The following PPFIBP1 variants were observed in gnomAD, a reference collection of about 807,000 sequenced individuals.
PPFIBP1 encodes liprin-beta-1.
PPFIBP1 carries 112 observed loss-of-function variants against 137.8 expected under a neutral mutation model. The ratio of observed to expected loss-of-function variants is 0.81; its 90% confidence interval spans 0.70 to 0.95. PPFIBP1 has a LOEUF of 0.95. PPFIBP1 is among the 40% of genes least tolerant of loss of function. The pLI is 0.00. For synonymous variants in PPFIBP1, 378 were observed against 417.3 expected (o/e 0.91, Z 1.15); for missense variants, 1,083 against 1,196.6 (o/e 0.91, Z 1.40).
intron 22 of PPFIBP1, among the ~76,000 whole-genome samples, 192 bp from the exon 23 acceptor site, chr12:27,682,195 A>C (rs1268476570): frequency 6.6e-6 from 1 of 152,162 alleles, no homozygotes; most frequent in Non-Finnish European, 1.5e-5. Context: ...ACACACCCCT[A>C]AGATAATTGT....
intron 1 of PPFIBP1, chr12:27,552,411 T>C (rs1473715620): frequency 6.6e-6 from 1 of 152,282 alleles, no homozygotes; most frequent in South Asian, 2.1e-4. Flanking sequence ...TGTCTTGAAC[T>C]GCAGTCAGGA....
Position 27,689,214 on chromosome 12 carries a change from G to C in PPFIBP1, c.2685+11G>C. ...ACTGCCAAAGTGAAGGTTGGTTCAG[G>C]CTCATACGGTTTAATAATTGCTTGG... On this transcript the variant is annotated intron_variant, in intron 27 of 29. Transcript: ENST00000228425. 1 of 1,530,390 alleles carries C rather than the reference G, an allele frequency of 6.5e-7. No individual in the cohort carries two copies. Among genetic ancestry groups the C allele is most frequent in the Non-Finnish European group, 8.7e-7 (1 of 1,145,264 alleles). 94.8% of individuals were successfully genotyped at this position (1,530,390 alleles called of 1,614,324 possible). A position where few individuals can be genotyped will look rare whatever the true frequency, so the allele number is the denominator to read the frequency against.
chr12:27,580,442 G>A (rs568927924), intron 2 of PPFIBP1, among the ~76,000 whole-genome samples: 1 of 152,200 alleles, frequency 6.6e-6, no homozygotes, highest in South Asian at 2.1e-4. Flanking sequence ...TGTAAAATGG[G>A]GATGGTAAAA....
chr12:27,611,343 G>A (rs1232393350), intron 2 of PPFIBP1, among the ~76,000 whole-genome samples: 2 of 152,256 alleles, frequency 1.3e-5, no homozygotes, highest in East Asian at 3.9e-4. Flanking sequence ...CCCTTGGCTT[G>A]TACATGGCTG....
At chr12:27,560,413 A>G (rs1301762056) in intron 1 of PPFIBP1, among the ~76,000 whole-genome samples, 1 of 152,264 alleles carries the variant, frequency 6.6e-6, no homozygotes, top group African/African-American at 2.4e-5. Context: ...AAATTAAATT[A>G]GATGGGACTA....
intron 12 of PPFIBP1, among the ~76,000 whole-genome samples, chr12:27,664,701 G>A (rs764670936): frequency 4.9e-4 from 75 of 152,184 alleles, no homozygotes; most frequent in Non-Finnish European, 9.3e-4. Flanking sequence ...AGAGAAAAAC[G>A]ACAGTATATG....
rs780656815 is a variant in PPFIBP1, at chr12:27,692,651, C to A, written c.2926C>A (p.Leu976Met). 1 of 1,614,136 alleles carries A rather than the reference C, an allele frequency of 6.2e-7. No individual in the cohort carries two copies. The highest frequency in any genetic ancestry group is 8.5e-7 in the Non-Finnish European group (1 of 1,179,972). Reference protein sequence around the residue: ...IGAFSEGINNLTHMLKEDDMF... With the variant: ...IGAFSEGINNMTHMLKEDDMF... Reference sequence around the variant, plus strand: ...TGCATTCTCTGAAGGCATCAACAATCTGACGGTGAGTTTGTGAAATGAATT... The same window carrying A: ...TGCATTCTCTGAAGGCATCAACAATATGACGGTGAGTTTGTGAAATGAATT... Residue 976 changes from leucine to methionine, a missense_variant, in exon 29 of 30, where the codon CTG (leucine) becomes ATG (methionine). Physicochemically the swap from Leu to Met is conservative, Grantham distance 15. Transcript: ENST00000228425.
At chr12:27,585,363 G>A (rs1159603261) in intron 2 of PPFIBP1, among the ~76,000 whole-genome samples, 1 of 152,160 alleles carries the variant, frequency 6.6e-6, no homozygotes, top group Admixed American at 6.5e-5. Flanking sequence ...AAACATCTAC[G>A]CTGCGCTGTG....
chr12:27,627,160 C>T (rs978679105), intron 2 of PPFIBP1, among the ~76,000 whole-genome samples: 1 of 152,120 alleles, frequency 6.6e-6, no homozygotes, highest in African/African-American at 2.4e-5. Context: ...TTATTGTTGA[C>T]AGTTGTCACC....
rs903983458 is a variant in PPFIBP1 at position 27,661,027 on chromosome 12, C to T, written c.906+82C>T. 2.5e-5 allele frequency: 39 copies of T among 1,554,174 alleles called. No homozygotes were observed. In the Middle Eastern group the frequency reaches 5.2e-4, roughly 21 times the overall value. ...TTCCATGCAATTTCATGAGCTATGC[C>T]ATTTTAAAAGAACATGCCCAGAACA... On this transcript the variant is annotated intron_variant, in intron 11 of 29. Coordinates refer to ENST00000228425, the MANE Select transcript of PPFIBP1 (RefSeq NM_003622.4).
chr12:27,561,525 T>C (rs2049162543), intron 1 of PPFIBP1, among the ~76,000 whole-genome samples: 1 of 152,236 alleles, frequency 6.6e-6, no homozygotes, highest in Non-Finnish European at 1.5e-5. Context: ...TTGGATAAAA[T>C]GTGTCATTTT....
At chr12:27,557,581 G>C (rs2048807603) in intron 1 of PPFIBP1, among the ~76,000 whole-genome samples, 1 of 152,022 alleles carries the variant, frequency 6.6e-6, no homozygotes, top group African/African-American at 2.4e-5. Context: ...TTAAAACTGT[G>C]GTGTTTCCCA....
rs1240513707 is a variant in PPFIBP1 at position 27,670,789 on chromosome 12, A to AT, written c.1147-642_1147-641insT. On this transcript the variant is annotated intron_variant, in intron 13 of 29. Transcript: ENST00000228425. ...GTGAGACCCTGTCTCAAAAAAAAAA[A>AT]AAAAAAATAATAATAATAATAATAA... is the stretch of plus-strand genomic sequence containing the variant. 4.9e-3 allele frequency among the ~76,000 whole-genome samples: 654 copies of AT among 132,258 alleles called. 3 individuals carry two copies. Among genetic ancestry groups the AT allele is most frequent in the South Asian group, 6.7e-3 (28 of 4,180 alleles). The allele number at this position is 132,258 out of a possible 152,430, so 86.8% of individuals were successfully genotyped here.
chr12:27,598,291 A>G (rs1342108174), intron 2 of PPFIBP1, among the ~76,000 whole-genome samples: 4 of 152,236 alleles, frequency 2.6e-5, no homozygotes, highest in Non-Finnish European at 5.9e-5. Context: ...GCAAAGGAGC[A>G]GCAAAGTCAC....
At chr12:27,588,137 A>C (rs1349486800) in intron 2 of PPFIBP1, among the ~76,000 whole-genome samples, 1 of 152,222 alleles carries the variant, frequency 6.6e-6, no homozygotes. Context: ...GCAAGTGTAC[A>C]TTGCTTCTCT....
At chr12:27,633,297 A>T (rs531986501) in intron 2 of PPFIBP1, 65 bp from the exon 3 acceptor site, 60 of 1,103,772 alleles carry the variant, frequency 5.4e-5, no homozygotes, top group Non-Finnish European at 8.1e-5. Context: ...TTGAAGGTGA[A>T]TTAGAAACCC....
chr12:27,634,685 G>C (rs1281550661), intron 3 of PPFIBP1, among the ~76,000 whole-genome samples: 1 of 152,062 alleles, frequency 6.6e-6, no homozygotes, highest in Non-Finnish European at 1.5e-5. Flanking sequence ...CCCCATGATT[G>C]GCCTCCTAGT....
intron 2 of PPFIBP1, among the ~76,000 whole-genome samples, chr12:27,618,318 G>A (rs951598705): frequency 3.3e-5 from 5 of 152,184 alleles, no homozygotes; most frequent in African/African-American, 4.8e-5. Flanking sequence ...AGTTTAGGCC[G>A]TGATGGGAAG....
intron 24 of PPFIBP1, among the ~76,000 whole-genome samples, chr12:27,683,288 C>G (rs1206892545): frequency 6.6e-6 from 1 of 152,214 alleles, no homozygotes; most frequent in Non-Finnish European, 1.5e-5. Flanking sequence ...TGGTCTCAAA[C>G]TCCTGACCTC....
Sources: allele counts gnomAD v4.1 joint callset (sites outside exome capture counted in the v4.1 genomes callset), GRCh38; gene constraint gnomAD v4.1.1; transcripts MANE v1.5; gene names NCBI Gene and HGNC (gene_info 2026-07-23, HGNC 2026-07-21).